The following DOCK3 variants were observed in gnomAD, a reference collection of about 807,000 sequenced individuals.
DOCK3 encodes dedicator of cytokinesis protein 3.
In DOCK3, 60 loss-of-function variants were observed where a neutral mutation model predicts 265.6. The ratio of observed to expected loss-of-function variants is 0.23; its 90% CI spans 0.18 to 0.28. The LOEUF (loss-of-function observed/expected upper bound fraction) is 0.28. Ranked by LOEUF, DOCK3 falls within the 10% of genes least tolerant of loss-of-function variation. The pLI is 1.00. For missense variants in DOCK3, 1,981 were observed against 2,594.3 expected, an observed-to-expected ratio of 0.76 and a Z score of 5.14; for synonymous variants, 881 against 938.0, an observed-to-expected ratio of 0.94 and a Z score of 1.11.
chr3:51,375,880 T>C, intron 51 of DOCK3, 45 bp downstream of exon 51: 2 of 1,602,332 alleles, frequency 1.2e-6, no homozygotes, highest in Non-Finnish European at 1.7e-6. Flanking sequence ...GTCCCCATCC[T>C]GAGTGTCTGA....
intron 1 of DOCK3, among the ~76,000 whole-genome samples, chr3:50,738,604 A>T (rs2038799404): frequency 6.6e-6 from 1 of 152,228 alleles, no homozygotes; most frequent in Admixed American, 6.5e-5. Flanking sequence ...AGGGTAGGTT[A>T]TAAAGGAAAA....
intron 4 of DOCK3, among the ~76,000 whole-genome samples, chr3:50,891,357 G>GA (rs1161048560): frequency 1.3e-5 from 2 of 152,152 alleles, no homozygotes; most frequent in East Asian, 3.9e-4. Flanking sequence ...ATATAACTTA[G>GA]AAGATTCTGA....
intron 4 of DOCK3, among the ~76,000 whole-genome samples, chr3:50,922,442 T>C (rs2050533349): frequency 6.6e-6 from 1 of 152,234 alleles, no homozygotes; most frequent in Admixed American, 6.5e-5. Flanking sequence ...AATTTTCCAG[T>C]TACTGTCTGT....
intron 9 of DOCK3, among the ~76,000 whole-genome samples, chr3:51,143,985 T>C (rs944190911): frequency 1.3e-5 from 2 of 152,238 alleles, no homozygotes; most frequent in Non-Finnish European, 2.9e-5. Context: ...GTTGTCTTCT[T>C]TCACAGTTTT....
In DOCK3 at chr3:51,381,509, AAGG is replaced by A; in HGVS notation, c.6049_6051del (p.Glu2017del). 6.3e-7 allele frequency: 1 copy of A among 1,579,884 alleles called. No homozygotes were observed. Among genetic ancestry groups the A allele is most frequent in the South Asian group, 1.1e-5 (1 of 86,974 alleles). On this transcript the variant is annotated inframe_deletion, in exon 53 of 53. Transcript: ENST00000266037. The surrounding 1 kb of genome is among the most constrained non-coding windows in gnomAD (Gnocchi z 5.6). Reference sequence around the variant, plus strand: ...GGCTCCATTGCCTCCTGGGAGCGCTAAGGAGGAGCAGGCCCGCATGGCCTGGGA... The same window carrying A: ...GGCTCCATTGCCTCCTGGGAGCGCTAAGGAGCAGGCCCGCATGGCCTGGGA...
At chr3:50,922,912 C>CT (rs1559819548) in intron 4 of DOCK3, among the ~76,000 whole-genome samples, 1 of 152,042 alleles carries the variant, frequency 6.6e-6, no homozygotes, top group Non-Finnish European at 1.5e-5. Flanking sequence ...TTTTATGCCT[C>CT]TCCCCCTTCC....
rs186504853 is a variant in DOCK3, at chr3:51,152,518, G to A, written c.828+5888G>A. Among the ~76,000 whole-genome samples, 425 of 151,912 alleles carry A rather than the reference G, an allele frequency of 2.8e-3. 6 individuals carry two copies. Among genetic ancestry groups the A allele is most frequent in the African/African-American group, 9.2e-3 (382 of 41,450 alleles). Reference sequence around the variant, plus strand: ...TGTCAACTCATCAAAGTCATTCTCCGTCCTGCTTTGTTCCATTGCTGGTGA... The same window carrying A: ...TGTCAACTCATCAAAGTCATTCTCCATCCTGCTTTGTTCCATTGCTGGTGA... On this transcript the variant is annotated intron_variant, in intron 10 of 52. Transcript: ENST00000266037.
intron 9 of DOCK3, among the ~76,000 whole-genome samples, chr3:51,119,209 C>T (rs548420551): frequency 1.3e-5 from 2 of 152,160 alleles, no homozygotes; most frequent in Non-Finnish European, 2.9e-5. Flanking sequence ...AATTATATTT[C>T]TCCTTCACTT....
chr3:51,319,812 C>G (rs938937962), intron 32 of DOCK3, among the ~76,000 whole-genome samples: 1 of 151,614 alleles, frequency 6.6e-6, no homozygotes, highest in Non-Finnish European at 1.5e-5. Flanking sequence ...TTGTAGTGAG[C>G]TGAGATTGCA....
At chr3:51,241,535 TC>T (rs1056135166) in intron 21 of DOCK3, among the ~76,000 whole-genome samples, 7 of 152,218 alleles carry the variant, frequency 4.6e-5, no homozygotes, top group African/African-American at 1.7e-4. Context: ...GGTTCCATTC[TC>T]CCCGTCTATT....
At chr3:50,850,473 T>C (rs2046306889) in intron 3 of DOCK3, among the ~76,000 whole-genome samples, 1 of 152,218 alleles carries the variant, frequency 6.6e-6, no homozygotes, top group African/African-American at 2.4e-5. Flanking sequence ...AGGAATTCTT[T>C]ATCTGTCATT....
rs1281552492 is a variant in DOCK3 at position 51,148,774 on chromosome 3, T to C, written c.828+2144T>C. ...TGTAGTATAGTTTGAAGTCAGGTAA[T>C]GTGATGCCTCCAGCTTTGTTCTTTT... On this transcript the variant is annotated intron_variant, in intron 10 of 52. Transcript: ENST00000266037. Among the ~76,000 whole-genome samples the C allele has an allele frequency of 3.9e-5, 6 of 152,250 alleles. No homozygotes were observed. In the East Asian group the frequency reaches 7.7e-4, roughly 20 times the overall value.
chr3:51,330,551 A>G (rs73078617), intron 33 of DOCK3, among the ~76,000 whole-genome samples: 6,690 of 152,302 alleles, frequency 0.044, 238 homozygotes, highest in Non-Finnish European at 0.065. Context: ...TCTGGGCTCA[A>G]TGCTGGCATT....
chr3:50,766,078 T>C (rs1327187035), intron 1 of DOCK3, among the ~76,000 whole-genome samples: 4 of 152,210 alleles, frequency 2.6e-5, no homozygotes, highest in Non-Finnish European at 5.9e-5. Context: ...TTCATCCATC[T>C]TGTCGCAAGT....
intron 10 of DOCK3, among the ~76,000 whole-genome samples, chr3:51,158,979 T>C (rs998089454): frequency 1.3e-5 from 2 of 152,248 alleles, no homozygotes; most frequent in African/African-American, 2.4e-5. Flanking sequence ...AGATTTCTAA[T>C]GTGAGAACTT....
intron 2 of DOCK3, among the ~76,000 whole-genome samples, chr3:50,812,575 G>A (rs2043825285): frequency 6.6e-6 from 1 of 152,206 alleles, no homozygotes. Context: ...TCCAGTCCAA[G>A]CCCAAAGGGC....
At chr3:51,256,598 T>G (rs1247533104) in intron 22 of DOCK3, among the ~76,000 whole-genome samples, 19 of 150,538 alleles carry the variant, frequency 1.3e-4, no homozygotes, top group African/African-American at 4.4e-4. Flanking sequence ...TTTTTGTTTT[T>G]TTTTTTTTTT....
intron 6 of DOCK3, among the ~76,000 whole-genome samples, chr3:51,066,430 G>A (rs1302335809): frequency 6.6e-6 from 1 of 152,154 alleles, no homozygotes; most frequent in Non-Finnish European, 1.5e-5. Flanking sequence ...TCTCACAAAA[G>A]AATAAGTATC....
At chr3:51,214,980 G>A (rs1368767018) in intron 14 of DOCK3, among the ~76,000 whole-genome samples, 37 of 152,096 alleles carry the variant, frequency 2.4e-4, no homozygotes, top group Admixed American at 2.4e-3. Flanking sequence ...AAAGGGTAGA[G>A]GCATGGTTCA....
Sources: gnomAD v4.1 joint callset for allele counts (sites outside exome capture counted in the v4.1 genomes callset) on GRCh38, gnomAD v4.1.1 for gene constraint, Gnocchi (gnomAD v3.1) non-coding constraint, MANE v1.5 for transcripts, NCBI Gene and HGNC (gene_info 2026-07-23, HGNC 2026-07-21) for gene names.